CCDC171: variants seen among roughly 807,000 people sequenced by gnomAD.
CCDC171 encodes the protein coiled-coil domain-containing protein 171.
A neutral mutation model predicts 168.2 loss-of-function variants in CCDC171; 177 were observed. The ratio of observed to expected loss-of-function variants is 1.05; its 90% CI spans 0.93 to 1.19. The LOEUF is 1.19. Ranked by LOEUF, CCDC171 falls within the 50% of genes most tolerant of loss-of-function variation. CCDC171 has a pLI of 0.00. For missense variants in CCDC171, 1,991 were observed against 1,539.0 expected (o/e 1.29, Z -4.91); for synonymous variants, 687 against 540.8 (o/e 1.27, Z -3.75).
intron 25 of CCDC171, among the ~76,000 whole-genome samples, chr9:15,956,663 A>T (rs967265980): frequency 6.6e-6 from 1 of 152,154 alleles, no homozygotes; most frequent in Non-Finnish European, 1.5e-5. Flanking sequence ...TTTTTCAAAA[A>T]AGGATTAAAA....
intron 21 of CCDC171, among the ~76,000 whole-genome samples, chr9:15,842,323 A>G (rs921133548): frequency 2.0e-5 from 3 of 152,056 alleles, no homozygotes; most frequent in East Asian, 1.9e-4. Flanking sequence ...ATGAGAAAGA[A>G]CTATGTTGGG....
At chr9:15,674,557 G>A (rs1554752395) in intron 9 of CCDC171, among the ~76,000 whole-genome samples, 1 of 152,142 alleles carries the variant, frequency 6.6e-6, no homozygotes, top group Non-Finnish European at 1.5e-5. Context: ...CTGGTATGTT[G>A]TGTCTTTGTT....
intron 3 of CCDC171, among the ~76,000 whole-genome samples, chr9:15,980,865 A>G (rs1831773893): frequency 7.3e-6 from 1 of 137,576 alleles, no homozygotes; most frequent in Admixed American, 7.8e-5. Flanking sequence ...CATACTGCTG[A>G]TAAAGACATA....
the CCDC171 span, among the ~76,000 whole-genome samples, chr9:16,082,667 C>T: frequency 6.6e-6 from 1 of 152,148 alleles, no homozygotes; most frequent in Non-Finnish European, 1.5e-5. Flanking sequence ...ATGTGTATGT[C>T]TAAGTACACG....
chr9:15,809,137 T>C (rs568774058), intron 21 of CCDC171, among the ~76,000 whole-genome samples: 7 of 152,288 alleles, frequency 4.6e-5, no homozygotes, highest in Admixed American at 2.6e-4. Flanking sequence ...TAAAAATTTT[T>C]TGGGAACATA....
chr9:15,886,121 C>G (rs1470915708), intron 24 of CCDC171: 3 of 151,994 alleles, frequency 2.0e-5, no homozygotes, highest in Non-Finnish European at 2.9e-5. Flanking sequence ...GCACAATAAT[C>G]AACTCAAAAT....
chr9:16,078,055 AACACACACACACACACACACACACAC>A, the CCDC171 span, among the ~76,000 whole-genome samples: 1,898 of 143,900 alleles, frequency 0.013, 36 homozygotes, highest in African/African-American at 0.043. Context: ...CACCCATGCA[AACACACACACACACACACACACACAC>A]ACACACACAC....
At chr9:15,587,821 A>G in intron 4 of CCDC171, 1 of 265,532 alleles carries the variant, frequency 3.8e-6, no homozygotes, top group Non-Finnish European at 7.8e-6. Flanking sequence ...AACTTAGAAG[A>G]AACAGAGGCT....
At chr9:16,054,312 A>G (rs143835917) in intron 1 of CCDC171, among the ~76,000 whole-genome samples, 1 of 152,332 alleles carries the variant, frequency 6.6e-6, no homozygotes, top group East Asian at 1.9e-4. Context: ...ACATTGTGAC[A>G]GAGGCTGTCA....
intron 4 of CCDC171, among the ~76,000 whole-genome samples, chr9:15,590,839 CTTT>C (rs2041957201): frequency 1.1e-5 from 1 of 91,050 alleles, no homozygotes; most frequent in African/African-American, 4.2e-5. Flanking sequence ...CTTTCTTCTT[CTTT>C]CTTTCTTTCT....
chr9:15,598,746 G>T (rs552862648), intron 6 of CCDC171, among the ~76,000 whole-genome samples: 1 of 152,052 alleles, frequency 6.6e-6, no homozygotes, highest in Non-Finnish European at 1.5e-5. Flanking sequence ...GTTGACAGTG[G>T]GGTGTTAAAG....
chr9:15,717,881 G>T (rs780611359), intron 11 of CCDC171, among the ~76,000 whole-genome samples: 1 of 152,240 alleles, frequency 6.6e-6, no homozygotes, highest in Non-Finnish European at 1.5e-5. Context: ...AGATCTGCTG[G>T]TTTGAAGTGT....
chr9:15,855,258 A>G (rs190405608), intron 23 of CCDC171, among the ~76,000 whole-genome samples: 6 of 151,804 alleles, frequency 4.0e-5, no homozygotes, highest in Non-Finnish European at 8.8e-5. Flanking sequence ...TTATGTGGAA[A>G]TTGTTATATC....
At chr9:15,690,242 T>G (rs1198155730) in intron 10 of CCDC171, among the ~76,000 whole-genome samples, 1 of 152,142 alleles carries the variant, frequency 6.6e-6, no homozygotes, top group African/African-American at 2.4e-5. Context: ...TTAAACACTT[T>G]AATTGGGTGA....
intron 25 of CCDC171, among the ~76,000 whole-genome samples, chr9:15,929,114 TA>T (rs1372063844): frequency 6.6e-6 from 1 of 151,542 alleles, no homozygotes; most frequent in Non-Finnish European, 1.5e-5. Context: ...AATATATATT[TA>T]TATAGTTCTA....
At chr9:15,753,344 T>C (rs2055886545) in intron 18 of CCDC171, among the ~76,000 whole-genome samples, 2 of 152,022 alleles carry the variant, frequency 1.3e-5, no homozygotes, top group Admixed American at 1.3e-4. Context: ...GGAATAAACA[T>C]AGAATGGAAG....
At chr9:15,938,172 G>T (rs981430666) in intron 25 of CCDC171, among the ~76,000 whole-genome samples, 2 of 151,796 alleles carry the variant, frequency 1.3e-5, no homozygotes, top group Non-Finnish European at 2.9e-5. Flanking sequence ...AGGAATCTCA[G>T]TCCCAGAGAG....
chr9:15,585,634 G>A (rs963145694), intron 4 of CCDC171, among the ~76,000 whole-genome samples: 9 of 152,136 alleles, frequency 5.9e-5, no homozygotes, highest in African/African-American at 2.2e-4. Flanking sequence ...TTTTTGGGTT[G>A]AAAGAAATGT....
intron 25 of CCDC171, among the ~76,000 whole-genome samples, chr9:15,953,135 A>T (rs1404571386): frequency 3.3e-5 from 5 of 152,138 alleles, no homozygotes; most frequent in Non-Finnish European, 7.3e-5. Flanking sequence ...AAGAAAGATA[A>T]TTTCACTTCT....
Sources: allele counts gnomAD v4.1 joint callset (sites outside exome capture counted in the v4.1 genomes callset), GRCh38; gene constraint gnomAD v4.1.1; transcripts MANE v1.5; gene names NCBI Gene and HGNC (gene_info 2026-07-23, HGNC 2026-07-21).